ELAVL1: variants seen among roughly 807,000 people sequenced by gnomAD.
ELAVL1 encodes the protein ELAV-like protein 1.
ELAVL1 carries 1 observed loss-of-function variant against 28.4 expected under a neutral mutation model. The observed-to-expected ratio is 0.04, with a 90% CI of 0.01 to 0.17. ELAVL1 has a LOEUF of 0.17. Among genes scored for constraint, ELAVL1 ranks in the 10% least tolerant of loss-of-function variants. The probability of loss-of-function intolerance (pLI) is 1.00; values close to 1 mark genes in which losing one functional copy is unlikely to be tolerated. For missense variants in ELAVL1, 157 were observed against 447.2 expected (o/e 0.35, Z 5.85); for synonymous variants, 174 against 183.5 (o/e 0.95, Z 0.42).
chr19:7,978,903 G>A (rs1035022526), intron 3 of ELAVL1, among the ~76,000 whole-genome samples: 1 of 152,188 alleles, frequency 6.6e-6, no homozygotes, highest in African/African-American at 2.4e-5. Flanking sequence ...TAAAATCCAG[G>A]ATCAGTTGAA....
chr19:7,995,021 T>C (rs926825550), intron 1 of ELAVL1, among the ~76,000 whole-genome samples: 1 of 152,164 alleles, frequency 6.6e-6, no homozygotes, highest in African/African-American at 2.4e-5. Context: ...TAAAACTGGA[T>C]AGAATTCTAA....
intron 3 of ELAVL1, among the ~76,000 whole-genome samples, chr19:7,975,353 A>G (rs973047848): frequency 4.6e-5 from 7 of 152,196 alleles, no homozygotes; most frequent in Admixed American, 3.9e-4. Context: ...GAAGCCCCAG[A>G]GGAGAAGTGC....
Position 7,991,779 on chromosome 19 carries a change from A to G in ELAVL1, c.37T>C (p.Cys13Arg), listed in dbSNP as rs1419502367. The change falls in exon 2 of 6, where the codon TGC (cysteine) becomes CGC (arginine). Residue 13 changes from cysteine to arginine, a missense_variant. Cys to Arg is a radical substitution (Grantham distance 180, BLOSUM62 -3). Coordinates refer to ENST00000407627, the MANE Select transcript of ELAVL1 (RefSeq NM_001419.3). ...NGYEDHMAED[C>R]RGDIGRTNLI... ...TTCGTTCTCCCGATGTCACCCCTGC[A>G]GTCTTCGGCCATGTGGTCTTCATAA... 8.1e-6 allele frequency: 13 copies of G among 1,614,122 alleles called. No homozygotes were observed. The highest frequency in any genetic ancestry group is 2.2e-5 in the East Asian group (1 of 44,878).
rs965961142 is a variant in ELAVL1, at chr19:7,979,757, C to T, written c.276+1326G>A. ...CCCTCAGGGAGCCCACTGCACACCA[C>T]GTCCATGCGGCATGGGGCAGGTCTG... is the stretch of plus-strand genomic sequence containing the variant. On this transcript the variant is annotated intron_variant, in intron 3 of 5. Coordinates refer to ENST00000407627, the MANE Select transcript of ELAVL1 (RefSeq NM_001419.3). This position sits in a 1 kb window ranked among gnomAD's most constrained non-coding sequence, Gnocchi z 5.4. Among the ~76,000 whole-genome samples the T allele has an allele frequency of 6.6e-6, 1 of 152,208 alleles. No individual in the cohort carries two copies. Among genetic ancestry groups the T allele is most frequent in the Non-Finnish European group, 1.5e-5 (1 of 68,032 alleles).
At chr19:7,970,291 G>T (rs879847554) in intron 4 of ELAVL1, among the ~76,000 whole-genome samples, 1 of 152,250 alleles carries the variant, frequency 6.6e-6, no homozygotes, top group African/African-American at 2.4e-5. Context: ...CAGTAGCTGG[G>T]ATTACAGGTG....
intron 3 of ELAVL1, among the ~76,000 whole-genome samples, chr19:7,974,737 G>A (rs925085348): frequency 6.6e-6 from 1 of 152,166 alleles, no homozygotes; most frequent in Non-Finnish European, 1.5e-5. Context: ...TGTGCGAAAG[G>A]AAGTTCATTC....
intron 4 of ELAVL1, chr19:7,972,938 G>C (rs531757336): frequency 2.8e-5 from 4 of 145,146 alleles, no homozygotes; most frequent in African/African-American, 1.0e-4. Flanking sequence ...TCAGCCTCCC[G>C]AGTAGCTGGG....
At chr19:7,998,954 T>A (rs1251642088) in intron 1 of ELAVL1, among the ~76,000 whole-genome samples, 1 of 152,102 alleles carries the variant, frequency 6.6e-6, no homozygotes, top group Non-Finnish European at 1.5e-5. Flanking sequence ...ATTTTTAAAT[T>A]TTTTTAGAGA....
At chr19:7,978,980 G>A (rs911565495) in intron 3 of ELAVL1, among the ~76,000 whole-genome samples, 1 of 152,204 alleles carries the variant, frequency 6.6e-6, no homozygotes, top group African/African-American at 2.4e-5. Context: ...GGGATGGCAG[G>A]GGATCCGAAG....
intron 5 of ELAVL1, among the ~76,000 whole-genome samples, chr19:7,965,003 A>G (rs1984917348): frequency 6.6e-6 from 1 of 152,208 alleles, no homozygotes; most frequent in African/African-American, 2.4e-5. Context: ...GGGGTAAACG[A>G]GTGCCTTCAA....
chr19:7,988,937 G>A (rs1985679797), intron 2 of ELAVL1, among the ~76,000 whole-genome samples: 1 of 152,254 alleles, frequency 6.6e-6, no homozygotes. Flanking sequence ...TGGAGAGCTG[G>A]AGACGCTATT....
rs373827237 is a variant in ELAVL1 at position 7,979,411 on chromosome 19, C to T, written c.276+1672G>A. On this transcript the variant is annotated intron_variant, in intron 3 of 5. Transcript: ENST00000407627. The surrounding 1 kb of genome is among the most constrained non-coding windows in gnomAD (Gnocchi z 5.4). The stretch of plus-strand genomic sequence containing the variant: ...CAACATCAATCCTAGAGAGGCAAGA[C>T]AGTCCTGTTTACACACTGGGCACCC... Among the ~76,000 whole-genome samples, 22 of 152,372 alleles carry T rather than the reference C, an allele frequency of 1.4e-4. No individual in the cohort carries two copies. Among genetic ancestry groups the T allele is most frequent in the African/African-American group, 5.0e-4 (21 of 41,592 alleles).
intron 1 of ELAVL1, among the ~76,000 whole-genome samples, chr19:7,998,893 TCA>T (rs1428286441): frequency 6.6e-6 from 1 of 152,278 alleles, no homozygotes; most frequent in African/African-American, 2.4e-5. Flanking sequence ...TCAAACTGCC[TCA>T]GTTTCCCAAG....
chr19:8,003,356 AAAAAAAAAAAAAAAAAAAGAAAAAG>A (rs2081074987), intron 1 of ELAVL1, among the ~76,000 whole-genome samples: 5 of 16,152 alleles, frequency 3.1e-4, no homozygotes, highest in South Asian at 1.2e-3. Context: ...AAACTGTCTC[AAAAAAAAAAAAAAAAAAAGAAAAAG>A]AAAAAAAAAA....
At chr19:7,964,515 A>T (rs1984901077) in intron 5 of ELAVL1, among the ~76,000 whole-genome samples, 1 of 152,138 alleles carries the variant, frequency 6.6e-6, no homozygotes. Flanking sequence ...CTCTTTCCAC[A>T]GTGATACTTT....
chr19:7,972,617 CTTTTT>C (rs144565509), intron 4 of ELAVL1, among the ~76,000 whole-genome samples: 5,594 of 146,418 alleles, frequency 0.038, 368 homozygotes, highest in African/African-American at 0.13. Flanking sequence ...GTGCAGCAGC[CTTTTT>C]TTTTCTTTTT....
At chr19:7,969,238 T>G (rs1459952403) in intron 4 of ELAVL1, among the ~76,000 whole-genome samples, 1 of 152,168 alleles carries the variant, frequency 6.6e-6, no homozygotes, top group Admixed American at 6.5e-5. Context: ...AAGGGTGTCT[T>G]AAGTCAGGTT....
In ELAVL1 at chr19:7,986,590, C is replaced by T. The variant is rs148208222; in HGVS notation, c.172+5054G>A. Among the ~76,000 whole-genome samples the T allele has an allele frequency of 4.4e-3, 666 of 152,272 alleles. 5 individuals carry two copies. Among genetic ancestry groups the T allele is most frequent in the East Asian group, 0.025 (129 of 5,176 alleles). On this transcript the variant is annotated intron_variant, in intron 2 of 5. Coordinates refer to ENST00000407627, the MANE Select transcript of ELAVL1 (RefSeq NM_001419.3). ...CTAGAGAGCGAGTTAGCGACAGGGA[C>T]CAAGAGCCTTTAAAAGGTGCGCTCT...
chr19:7,978,489 C>T (rs999844993), intron 3 of ELAVL1, among the ~76,000 whole-genome samples: 1 of 152,154 alleles, frequency 6.6e-6, no homozygotes, highest in Non-Finnish European at 1.5e-5. Flanking sequence ...CAAAGCTCCA[C>T]GGAGCCTCCT....
Sources: gnomAD v4.1 joint callset for allele counts (sites outside exome capture counted in the v4.1 genomes callset) on GRCh38, gnomAD v4.1.1 for gene constraint, Gnocchi (gnomAD v3.1) non-coding constraint, MANE v1.5 for transcripts, NCBI Gene and HGNC (gene_info 2026-07-23, HGNC 2026-07-21) for gene names.